Variants in MRRF observed in about 807,000 individuals in gnomAD.
MRRF encodes the protein ribosome-recycling factor, mitochondrial.
In MRRF, 18 loss-of-function variants were observed where a neutral mutation model predicts 25.1. That is an observed-to-expected ratio of 0.72 (90% confidence interval 0.50 to 1.06). The LOEUF is 1.06. Among genes scored for constraint, MRRF ranks in the 50% least tolerant of loss-of-function variants. MRRF has a pLI of 0.00. For missense variants in MRRF, 323 were observed against 319.3 expected (o/e 1.01, Z -0.09); for synonymous variants, 113 against 112.1 (o/e 1.01, Z -0.05).
Position 122,270,956 on chromosome 9 carries a change from C to G in MRRF, c.65C>G (p.Ser22Cys). 1 of 1,614,196 alleles carries G rather than the reference C, an allele frequency of 6.2e-7. No homozygotes were observed. Among genetic ancestry groups the G allele is most frequent in the Non-Finnish European group, 8.5e-7 (1 of 1,180,018 alleles). Reference protein sequence around the residue: ...HPTFRNYLAASIRPVSEVTLK... With the variant: ...HPTFRNYLAACIRPVSEVTLK... ...ACCTTTCGCAATTATCTTGCAGCCT[C>G]TATCAGACCCGTTTCAGAAGTTACA... is the stretch of plus-strand genomic sequence containing the variant. The change falls in exon 2 of 7, where the codon TCT becomes TGT. Residue 22 changes from serine (S) to cysteine (C), a missense_variant. By Grantham distance (112) the Ser-to-Cys change is moderately radical. Transcript: ENST00000344641.
At position 122,280,433 on chromosome 9, in the gene MRRF, C is replaced by G; in HGVS notation, c.185-10C>G. The G allele has an allele frequency of 6.2e-7, 1 of 1,613,944 alleles. No individual in the cohort carries two copies. The stretch of plus-strand genomic sequence containing the variant: ...GCTGTTGTTTTATTCACTGAATGTT[C>G]ACTTTTTAGCCAAAGGGAAAGGACA... On this transcript the variant is annotated splice_polypyrimidine_tract_variant and intron_variant, in intron 2 of 6. Transcript: ENST00000344641.
intron 5 of MRRF, among the ~76,000 whole-genome samples, chr9:122,293,009 A>G (rs143595484): frequency 5.5e-4 from 84 of 152,322 alleles, no homozygotes; most frequent in African/African-American, 1.9e-3. Flanking sequence ...AACAAACAAC[A>G]AAAAGTCCCT....
intron 6 of MRRF, among the ~76,000 whole-genome samples, chr9:122,319,566 A>G (rs1564516993): frequency 6.6e-6 from 1 of 152,080 alleles, no homozygotes; most frequent in Non-Finnish European, 1.5e-5. Context: ...ATGAAGTAAC[A>G]GAAGATAAAA....
At chr9:122,291,371 T>G (rs1833753095) in intron 4 of MRRF, among the ~76,000 whole-genome samples, 1 of 152,218 alleles carries the variant, frequency 6.6e-6, no homozygotes, top group Non-Finnish European at 1.5e-5. Flanking sequence ...GTCAACTGGA[T>G]TTTTTTACGT....
rs543973837 is a variant in MRRF at position 122,301,019 on chromosome 9, T to TA, written c.551+9180dup. 6.9e-3 allele frequency among the ~76,000 whole-genome samples: 1,049 copies of TA among 152,342 alleles called. 10 individuals are homozygous for TA. The highest frequency in any genetic ancestry group is 0.012 in the Non-Finnish European group (787 of 68,036). On this transcript the variant is annotated intron_variant, in intron 5 of 6. Coordinates refer to ENST00000344641, the MANE Select transcript of MRRF (RefSeq NM_138777.5). ...CCGCTTCCTAAAGCTTCAAGATCGT[T>TA]AGATAATTGCTATCGTCATTTTCCT...
chr9:122,300,716 T>TC (rs1564499430), intron 5 of MRRF, among the ~76,000 whole-genome samples: 1 of 152,220 alleles, frequency 6.6e-6, no homozygotes, highest in African/African-American at 2.4e-5. Flanking sequence ...GTTCTTTTTT[T>TC]CCCCTATCTT....
rs1888219 is a variant in MRRF at position 122,285,837 on chromosome 9, A to G, written c.459+550A>G. 7.0e-4 allele frequency: 904 copies of G among 1,283,456 alleles called. 6 individuals carry two copies. The African/African-American group carries it at 0.011, about 15-fold the overall frequency. 79.5% of individuals were successfully genotyped at this position (1,283,456 alleles called of 1,614,324 possible). A position where few individuals can be genotyped will look rare whatever the true frequency, so the allele number is the denominator to read the frequency against. The stretch of plus-strand genomic sequence containing the variant: ...GCCAAATGTGGCCTGAGGGCCACCA[A>G]TTTGTGACCTCTGCATTAGTATTTG... On this transcript the variant is annotated intron_variant, in intron 4 of 6. Coordinates refer to ENST00000344641, the MANE Select transcript of MRRF (RefSeq NM_138777.5).
intron 2 of MRRF, among the ~76,000 whole-genome samples, chr9:122,271,610 C>A (rs1832466047): frequency 6.6e-6 from 1 of 152,222 alleles, no homozygotes; most frequent in African/African-American, 2.4e-5. Context: ...TCCCCTGTTG[C>A]CTGCACTCGT....
chr9:122,285,397 A>T, intron 4 of MRRF, 110 bp downstream of exon 4: 1 of 811,326 alleles, frequency 1.2e-6, no homozygotes, highest in Non-Finnish European at 2.2e-6. Flanking sequence ...AAGAGAGAAG[A>T]CATAATAAAG....
intron 6 of MRRF, among the ~76,000 whole-genome samples, chr9:122,321,169 T>C (rs1457885922): frequency 1.3e-5 from 2 of 152,242 alleles, no homozygotes; most frequent in Non-Finnish European, 2.9e-5. Flanking sequence ...TTTTGACAAG[T>C]TTCCTTCCAG....
intron 5 of MRRF, among the ~76,000 whole-genome samples, chr9:122,302,064 AT>A (rs1390441478): frequency 6.6e-6 from 1 of 151,986 alleles, no homozygotes; most frequent in Non-Finnish European, 1.5e-5. Flanking sequence ...ATTAACTGTT[AT>A]GGGGGAGTAT....
At chr9:122,293,731 G>A (rs1475323828) in intron 5 of MRRF, among the ~76,000 whole-genome samples, 1 of 152,206 alleles carries the variant, frequency 6.6e-6, no homozygotes, top group Non-Finnish European at 1.5e-5. Flanking sequence ...ATGCGTATGT[G>A]CCAGGCTCTG....
intron 4 of MRRF, among the ~76,000 whole-genome samples, chr9:122,289,275 C>A (rs940234209): frequency 6.6e-6 from 1 of 152,194 alleles, no homozygotes; most frequent in African/African-American, 2.4e-5. Context: ...TACATCTGAA[C>A]CAGATCACTA....
At chr9:122,298,536 G>A (rs1834232046) in intron 5 of MRRF, among the ~76,000 whole-genome samples, 1 of 152,154 alleles carries the variant, frequency 6.6e-6, no homozygotes, top group African/African-American at 2.4e-5. Context: ...CTGCCCCTTT[G>A]CATGTCGGTC....
At chr9:122,302,393 T>C (rs1000310839) in intron 5 of MRRF, among the ~76,000 whole-genome samples, 1 of 152,242 alleles carries the variant, frequency 6.6e-6, no homozygotes, top group Non-Finnish European at 1.5e-5. Context: ...CTATTACTAA[T>C]CCACTTTTCT....
At chr9:122,277,130 G>A (rs541842664) in intron 2 of MRRF, among the ~76,000 whole-genome samples, 2 of 152,256 alleles carry the variant, frequency 1.3e-5, no homozygotes. Flanking sequence ...AAAGTGCTGG[G>A]ATTACAAGTG....
chr9:122,271,677 T>C (rs1217473261), intron 2 of MRRF, among the ~76,000 whole-genome samples: 1 of 152,264 alleles, frequency 6.6e-6, no homozygotes, highest in East Asian at 1.9e-4. Context: ...ATTAATTAAA[T>C]GTAAGATTGA....
chr9:122,320,352 A>G (rs1335528119), intron 6 of MRRF, among the ~76,000 whole-genome samples: 1 of 152,176 alleles, frequency 6.6e-6, no homozygotes, highest in African/African-American at 2.4e-5. Context: ...CCCAGAACCC[A>G]TGTTATCAAA....
chr9:122,322,938 G>C lies in MRRF; in HGVS notation c.*321G>C. The stretch of plus-strand genomic sequence containing the variant: ...TAGTACCACCTGCTCCTCATCTTAG[G>C]AGTCTCCTTTTCAAATAATTAGGCT... On this transcript the variant is annotated 3_prime_UTR_variant, in exon 7 of 7. Transcript: ENST00000344641. The C allele has an allele frequency of 2.3e-6, 1 of 431,700 alleles. No individual in the cohort carries two copies. Among genetic ancestry groups the C allele is most frequent in the South Asian group, 2.9e-5 (1 of 34,670 alleles). 26.7% of individuals were successfully genotyped at this position (431,700 alleles called of 1,614,324 possible).
Sources: allele counts gnomAD v4.1 joint callset (sites outside exome capture counted in the v4.1 genomes callset), GRCh38; gene constraint gnomAD v4.1.1; transcripts MANE v1.5; gene names NCBI Gene and HGNC (gene_info 2026-07-23, HGNC 2026-07-21).